Variants in SPIN2A observed in about 807,000 individuals in gnomAD.
SPIN2A encodes the protein spindlin-2A.
In SPIN2A, 4 loss-of-function variants were observed where a neutral mutation model predicts 9.2. The ratio of observed to expected loss-of-function variants is 0.44; its 90% CI spans 0.21 to 1.00. The LOEUF is 1.00. SPIN2A is among the 50% of genes least tolerant of loss of function. The probability of loss-of-function intolerance (pLI) is 0.26; values close to 1 mark genes in which losing one functional copy is unlikely to be tolerated. For synonymous variants in SPIN2A, 25 were observed against 61.2 expected (o/e 0.41, Z 2.76); for missense variants, 77 against 172.8 (o/e 0.45, Z 3.11).
chrX:57,140,194 A>G (rs1239662116), upstream of SPIN2A, among the ~76,000 whole-genome samples: 2 of 110,711 alleles, frequency 1.8e-5, no homozygotes, highest in Non-Finnish European at 3.8e-5. Context: ...TGTTGGTTTT[A>G]TAAATAAAAT....
chrX:57,146,793 A>G, the SPIN2A span, among the ~76,000 whole-genome samples: 1 of 111,825 alleles, frequency 8.9e-6, no homozygotes, highest in Non-Finnish European at 1.9e-5. Context: ...GGCTTTTGTC[A>G]AATGCTTTTT....
At chrX:57,146,612 G>A in the SPIN2A span, among the ~76,000 whole-genome samples, 1 of 111,899 alleles carries the variant, frequency 8.9e-6, no homozygotes, top group Non-Finnish European at 1.9e-5. Flanking sequence ...TTGAACAGAA[G>A]TGGTGAGAGT....
chrX:57,142,515 T>G (rs1224091974), upstream of SPIN2A, among the ~76,000 whole-genome samples: 1 of 112,403 alleles, frequency 8.9e-6, no homozygotes, highest in African/African-American at 3.2e-5. Flanking sequence ...ATTTATTCTG[T>G]GGCCTAACAT....
chrX:57,140,961 C>T (rs1927986890), upstream of SPIN2A, among the ~76,000 whole-genome samples: 1 of 111,705 alleles, frequency 9.0e-6, no homozygotes, highest in Non-Finnish European at 1.9e-5. Context: ...CACACATGTA[C>T]CCCATGAAAC....
At chrX:57,138,976 A>G (rs1208901418), upstream of SPIN2A, among the ~76,000 whole-genome samples, 5 of 111,799 alleles carry the variant, frequency 4.5e-5, no homozygotes, top group African/African-American at 1.6e-4. Context: ...CGTCAGTTGA[A>G]TACTTTGTAA....
chrX:57,141,361 A>T (rs1030197443), upstream of SPIN2A, among the ~76,000 whole-genome samples: 5 of 111,983 alleles, frequency 4.5e-5, no homozygotes, highest in African/African-American at 1.6e-4. Context: ...GGATTTTTGC[A>T]TGTATATTTA....
downstream of SPIN2A, chrX:57,135,561 C>T (rs138199626): frequency 2.2e-4 from 104 of 483,357 alleles, no homozygotes; most frequent in East Asian, 3.8e-3. Context: ...TATTCACAGC[C>T]GAAATTGACA....
chrX:57,139,305 CAG>C (rs1458215398), upstream of SPIN2A, among the ~76,000 whole-genome samples: 3 of 112,347 alleles, frequency 2.7e-5, no homozygotes, highest in South Asian at 7.4e-4. Flanking sequence ...ACATTTATTA[CAG>C]AGAGTGTCCT....
chrX:57,139,700 C>T (rs759118361), upstream of SPIN2A, among the ~76,000 whole-genome samples: 14 of 111,417 alleles, frequency 1.3e-4, no homozygotes, highest in African/African-American at 3.3e-4. Context: ...GTGATCCGCC[C>T]GCCTTGGCCT....
chrX:57,145,387 C>T, the SPIN2A span, among the ~76,000 whole-genome samples: 1 of 110,454 alleles, frequency 9.1e-6, no homozygotes, highest in African/African-American at 3.3e-5. Context: ...TGTCCTTACC[C>T]CGCTTTTTGA....
At position 57,137,391 on chromosome X, in the gene SPIN2A, C is replaced by G. The variant is rs1252678433; in HGVS notation, c.-137G>C. On this transcript the variant is annotated 5_prime_UTR_variant, in exon 1 of 2. Transcript: ENST00000374906. ...GTGTGTAGGAGCGCGGCGAGACAGG[C>G]AAAGAGCACTGCAGCGGTGTCCCCA... 1 of 742,279 alleles carries G rather than the reference C, an allele frequency of 1.3e-6. No homozygotes were observed. The highest frequency in any genetic ancestry group is 8.5e-5 in the Admixed American group (1 of 11,808). 61.2% of individuals were successfully genotyped at this position (742,279 alleles called of 1,213,427 possible).
chrX:57,137,392 A>G lies in SPIN2A; in HGVS notation c.-138T>C. 1 of 743,095 alleles carries G rather than the reference A, an allele frequency of 1.3e-6. No homozygotes were observed. The highest frequency in any genetic ancestry group is 1.6e-6 in the Non-Finnish European group (1 of 628,681). 61.2% of individuals were successfully genotyped at this position (743,095 alleles called of 1,213,427 possible). A position where few individuals can be genotyped will look rare whatever the true frequency, so the allele number is the denominator to read the frequency against. On this transcript the variant is annotated 5_prime_UTR_variant, in exon 1 of 2. Coordinates refer to ENST00000374906, the MANE Select transcript of SPIN2A (RefSeq NM_019003.5). ...TGTGTAGGAGCGCGGCGAGACAGGC[A>G]AAGAGCACTGCAGCGGTGTCCCCAG...
upstream of SPIN2A, among the ~76,000 whole-genome samples, chrX:57,138,443 T>C (rs1296990702): frequency 9.1e-6 from 1 of 110,365 alleles, no homozygotes; most frequent in Non-Finnish European, 1.9e-5. Context: ...TATATCACAT[T>C]TTTTATCCAT....
upstream of SPIN2A, among the ~76,000 whole-genome samples, chrX:57,141,066 G>T (rs1293168693): frequency 8.9e-6 from 1 of 112,118 alleles, no homozygotes; most frequent in Non-Finnish European, 1.9e-5. Flanking sequence ...TATGATGCTA[G>T]CTGTGTTTGT....
the SPIN2A span, among the ~76,000 whole-genome samples, chrX:57,145,971 T>C: frequency 9.0e-6 from 1 of 111,219 alleles, no homozygotes; most frequent in East Asian, 2.8e-4. Flanking sequence ...CCTTATAGTA[T>C]AGTTTGAAGT....
the SPIN2A span, among the ~76,000 whole-genome samples, chrX:57,144,625 G>A: frequency 1.8e-5 from 2 of 109,666 alleles, no homozygotes; most frequent in Non-Finnish European, 1.9e-5. Context: ...TATCACCCGA[G>A]CAGTTTACAC....
the SPIN2A span, among the ~76,000 whole-genome samples, chrX:57,142,662 A>AT: frequency 6.4e-3 from 711 of 111,064 alleles, 4 homozygotes; most frequent in Non-Finnish European, 0.01. Flanking sequence ...TTCTTTGTTA[A>AT]TTTTTTTGTC....
intron 1 of SPIN2A, 177 bp downstream of exon 1, chrX:57,137,083 T>C: frequency 1.3e-6 from 1 of 788,436 alleles, no homozygotes; most frequent in East Asian, 1.2e-4. Context: ...TCCTACCCCC[T>C]TTCCCTGTCG....
chrX:57,139,731 A>G (rs983968260), upstream of SPIN2A, among the ~76,000 whole-genome samples: 2 of 111,707 alleles, frequency 1.8e-5, no homozygotes, highest in Non-Finnish European at 3.8e-5. Context: ...TGGGATTACA[A>G]GTGTGAGCCA....
Sources: gnomAD v4.1 joint callset for allele counts (sites outside exome capture counted in the v4.1 genomes callset) on GRCh38, gnomAD v4.1.1 for gene constraint, MANE v1.5 for transcripts, NCBI Gene and HGNC (gene_info 2026-07-23, HGNC 2026-07-21) for gene names.